AKAP10: variants seen among roughly 807,000 people sequenced by gnomAD.
The protein encoded by AKAP10 is A-kinase anchor protein 10, mitochondrial.
Under a neutral mutation model 80.8 loss-of-function variants are expected in AKAP10, and 24 were observed. That is an observed-to-expected ratio of 0.30 (90% CI 0.22 to 0.42). The LOEUF is 0.42. Among genes scored for constraint, AKAP10 ranks in the 10% least tolerant of loss-of-function variants. AKAP10 has a pLI of 1.00. For missense variants in AKAP10, 661 were observed against 794.9 expected, an observed-to-expected ratio of 0.83 and a Z score of 2.03; for synonymous variants, 291 against 277.7, an observed-to-expected ratio of 1.05 and a Z score of -0.48.
chr17:19,926,589 T>C (rs1255911164), intron 10 of AKAP10, among the ~76,000 whole-genome samples: 1 of 152,162 alleles, frequency 6.6e-6, no homozygotes, highest in African/African-American at 2.4e-5. Flanking sequence ...AGTTGCAAGA[T>C]CAACATGTAA....
rs1491288818 is a variant in AKAP10 at position 19,946,237 on chromosome 17, T to TAA, written c.976+1169_976+1170insTT. On this transcript the variant is annotated intron_variant, in intron 5 of 14. Coordinates refer to ENST00000225737, the MANE Select transcript of AKAP10 (RefSeq NM_007202.4). ...TATATATATTTTATATATATATATA[T>TAA]TATATATATATATATATATATATAT... Among the ~76,000 whole-genome samples, 9 of 15,174 alleles carry TAA rather than the reference T, an allele frequency of 5.9e-4. No individual in the cohort carries two copies. In the East Asian group the frequency reaches 0.014, roughly 24 times the overall value. 10.0% of individuals were successfully genotyped at this position (15,174 alleles called of 152,430 possible).
rs1411451966 is a variant in AKAP10 at position 19,920,064 on chromosome 17, C to T, written c.1806G>A (p.Glu602=). The change falls in exon 12 of 15, where the codon GAG becomes GAA. Residue 602 remains glutamate, a synonymous_variant. Coordinates refer to ENST00000225737, the MANE Select transcript of AKAP10 (RefSeq NM_007202.4). Reference sequence around the variant, plus strand: ...TTGATTTCCTTACATCAGGTTCAGGCTCAGATTCTCGGATGAATTGCCCCA... The same window carrying T: ...TTGATTTCCTTACATCAGGTTCAGGTTCAGATTCTCGGATGAATTGCCCCA... ...SDLGQFIRES[E]PEPDVRKSKG... is the part of the protein sequence containing the mutation. 4 of 1,613,498 alleles carry T rather than the reference C, an allele frequency of 2.5e-6. No homozygotes were observed. In the African/African-American group the frequency reaches 4.0e-5, roughly 16 times the overall value.
chr17:19,924,779 G>A (rs1382105253), intron 10 of AKAP10, among the ~76,000 whole-genome samples: 2 of 152,070 alleles, frequency 1.3e-5, no homozygotes, highest in Non-Finnish European at 2.9e-5. Flanking sequence ...GCAATGGCGC[G>A]ATCACAACTC....
chr17:19,976,002 C>G (rs2043561103), intron 1 of AKAP10, among the ~76,000 whole-genome samples: 1 of 152,190 alleles, frequency 6.6e-6, no homozygotes, highest in Non-Finnish European at 1.5e-5. Flanking sequence ...CACCTGGCAT[C>G]AGTTACCAAA....
chr17:19,952,053 C>T (rs2043222101), intron 4 of AKAP10, among the ~76,000 whole-genome samples: 1 of 150,752 alleles, frequency 6.6e-6, no homozygotes, highest in Non-Finnish European at 1.5e-5. Context: ...ATTATATTTA[C>T]ACATTATAAA....
At position 19,906,057 on chromosome 17, in the gene AKAP10, G is replaced by A. The variant is rs922193758; in HGVS notation, c.*170C>T. 9.2e-6 allele frequency: 6 copies of A among 651,600 alleles called. No homozygotes were observed. Among genetic ancestry groups the A allele is most frequent in the Admixed American group, 5.8e-5 (2 of 34,410 alleles). The allele number at this position is 651,600 out of a possible 1,614,324, so 40.4% of individuals were successfully genotyped here. ...TCATGTGCATCAATTATGCCTACAG[G>A]TAACTGCATTATGGTGGAAGTCTAG... On this transcript the variant is annotated 3_prime_UTR_variant, in exon 15 of 15. Transcript: ENST00000225737.
intron 4 of AKAP10, among the ~76,000 whole-genome samples, chr17:19,952,473 A>G (rs1242465202): frequency 6.7e-6 from 1 of 149,494 alleles, no homozygotes; most frequent in African/African-American, 2.5e-5. Flanking sequence ...TCAATAAATA[A>G]ATAAATAAAT....
At chr17:19,932,123 G>C (rs573634051) in intron 9 of AKAP10, 145 bp from the exon 10 acceptor site, 5 of 788,172 alleles carry the variant, frequency 6.3e-6, no homozygotes, top group Middle Eastern at 3.8e-4. Context: ...TGTACTACAA[G>C]TATTATCCCT....
intron 3 of AKAP10, 135 bp from the exon 4 acceptor site, chr17:19,958,706 A>T (rs1034162224): frequency 3.0e-5 from 21 of 695,566 alleles, no homozygotes; most frequent in South Asian, 1.4e-4. Context: ...TAAAGTAAAT[A>T]AAAAAACTAC....
intron 9 of AKAP10, among the ~76,000 whole-genome samples, chr17:19,933,020 T>C (rs1272061572): frequency 6.6e-6 from 1 of 152,130 alleles, no homozygotes; most frequent in Non-Finnish European, 1.5e-5. Flanking sequence ...CCTTTGTTGT[T>C]TGTTTTTGTT....
chr17:19,923,578 G>A (rs1414364699), intron 11 of AKAP10, among the ~76,000 whole-genome samples: 2 of 151,978 alleles, frequency 1.3e-5, no homozygotes, highest in African/African-American at 4.8e-5. Context: ...GCAGGCTGGA[G>A]TGCAGTGGCA....
chr17:19,953,519 G>C (rs1223027723), intron 4 of AKAP10, among the ~76,000 whole-genome samples: 1 of 151,894 alleles, frequency 6.6e-6, no homozygotes, highest in Non-Finnish European at 1.5e-5. Context: ...AGAAAAACAA[G>C]ACACAATTGC....
At chr17:19,918,600 A>C (rs1245303666) in intron 12 of AKAP10, among the ~76,000 whole-genome samples, 1 of 152,166 alleles carries the variant, frequency 6.6e-6, no homozygotes, top group African/African-American at 2.4e-5. Flanking sequence ...GATTACAGGC[A>C]TGAGCCACAG....
intron 9 of AKAP10, among the ~76,000 whole-genome samples, chr17:19,935,478 T>C (rs2042982727): frequency 6.6e-6 from 1 of 152,182 alleles, no homozygotes; most frequent in African/African-American, 2.4e-5. Flanking sequence ...TAAATTAGCT[T>C]ACTGTAACTT....
chr17:19,943,368 G>A (rs1210241313), intron 5 of AKAP10, among the ~76,000 whole-genome samples: 8 of 152,102 alleles, frequency 5.3e-5, no homozygotes, highest in African/African-American at 7.2e-5. Flanking sequence ...CCAACCTCCC[G>A]GGATGAGGGG....
At chr17:19,950,458 C>T (rs892716561) in intron 4 of AKAP10, among the ~76,000 whole-genome samples, 2 of 152,212 alleles carry the variant, frequency 1.3e-5, no homozygotes, top group Admixed American at 6.5e-5. Context: ...TGCAGGCGCA[C>T]GCCGCCACAC....
chr17:19,920,488 T>A (rs1429190042), intron 11 of AKAP10, among the ~76,000 whole-genome samples: 1 of 152,164 alleles, frequency 6.6e-6, no homozygotes, highest in Admixed American at 6.6e-5. Context: ...TATAAAGCCA[T>A]AGTTGTGTGT....
chr17:19,936,702 AG>A (rs1407650843), intron 8 of AKAP10, among the ~76,000 whole-genome samples: 91 of 152,340 alleles, frequency 6.0e-4, no homozygotes, highest in African/African-American at 2.1e-3. Flanking sequence ...TGTAAGGATC[AG>A]ACTACAACTG....
intron 12 of AKAP10, among the ~76,000 whole-genome samples, chr17:19,915,360 T>G (rs1204982404): frequency 6.6e-6 from 1 of 152,212 alleles, no homozygotes; most frequent in Non-Finnish European, 1.5e-5. Context: ...ACTGATATGC[T>G]TAACAAGTCA....
Sources: gnomAD v4.1 joint callset for allele counts (sites outside exome capture counted in the v4.1 genomes callset) on GRCh38, gnomAD v4.1.1 for gene constraint, MANE v1.5 for transcripts, NCBI Gene and HGNC (gene_info 2026-07-23, HGNC 2026-07-21) for gene names.